SORCS1: variants seen among roughly 807,000 people sequenced by gnomAD.
SORCS1 encodes the protein sortilin related VPS10 domain containing receptor 1.
Under a neutral mutation model 146.1 loss-of-function variants are expected in SORCS1, and 60 were observed. That is an observed-to-expected ratio of 0.41 (90% CI 0.33 to 0.51). The LOEUF is 0.51. Ranked by LOEUF, SORCS1 falls within the 20% of genes least tolerant of loss-of-function variation. SORCS1 has a pLI of 0.21. For missense variants in SORCS1, 1,352 were observed against 1,487.6 expected (o/e 0.91, Z 1.50); for synonymous variants, 637 against 584.0 (o/e 1.09, Z -1.31).
intron 18 of SORCS1, among the ~76,000 whole-genome samples, chr10:106,648,012 C>T (rs1589560875): frequency 6.6e-6 from 1 of 151,558 alleles, no homozygotes; most frequent in African/African-American, 2.4e-5. Flanking sequence ...GGACCACAGA[C>T]ACACGACACC....
At chr10:106,765,570 G>C (rs1453354559) in intron 4 of SORCS1, among the ~76,000 whole-genome samples, 1 of 152,092 alleles carries the variant, frequency 6.6e-6, no homozygotes, top group Non-Finnish European at 1.5e-5. Flanking sequence ...TGCCAGTTGG[G>C]TGGTAGGCAC....
chr10:106,895,119 T>G (rs1265656318), intron 2 of SORCS1, among the ~76,000 whole-genome samples: 1 of 152,162 alleles, frequency 6.6e-6, no homozygotes, highest in Non-Finnish European at 1.5e-5. Context: ...ACCTCACAGT[T>G]AGATGATTTC....
intron 5 of SORCS1, among the ~76,000 whole-genome samples, chr10:106,742,349 A>T (rs935088627): frequency 4.6e-5 from 7 of 152,060 alleles, no homozygotes; most frequent in Non-Finnish European, 8.8e-5. Flanking sequence ...TATGTTTTAT[A>T]ACACCTTGTA....
chr10:107,146,944 GAT>G (rs2134771314), intron 1 of SORCS1, among the ~76,000 whole-genome samples: 2 of 152,236 alleles, frequency 1.3e-5, no homozygotes, highest in South Asian at 4.1e-4. Flanking sequence ...TATTGTTGCA[GAT>G]ATGTGTTTCC....
At chr10:106,599,174 T>A (rs1846082738) in intron 23 of SORCS1, among the ~76,000 whole-genome samples, 1 of 152,068 alleles carries the variant, frequency 6.6e-6, no homozygotes, top group African/African-American at 2.4e-5. Context: ...GAGACCAGCA[T>A]GGCCAACATG....
intron 1 of SORCS1, among the ~76,000 whole-genome samples, chr10:107,063,236 T>C (rs979603155): frequency 3.3e-5 from 5 of 152,198 alleles, no homozygotes; most frequent in South Asian, 2.1e-4. Flanking sequence ...TAGTGGAATA[T>C]GGGAGTCTTT....
chr10:107,174,313 C>A, the SORCS1 span, among the ~76,000 whole-genome samples: 1 of 152,110 alleles, frequency 6.6e-6, no homozygotes, highest in Non-Finnish European at 1.5e-5. Context: ...TCACGCCGTT[C>A]TCCTGCCTCA....
intron 5 of SORCS1, among the ~76,000 whole-genome samples, chr10:106,732,567 T>C (rs1424598514): frequency 1.3e-5 from 2 of 152,188 alleles, no homozygotes; most frequent in African/African-American, 4.8e-5. Flanking sequence ...AGTTTCATCC[T>C]TGAAATGACT....
At chr10:106,689,675 C>T (rs1407219066) in intron 9 of SORCS1, among the ~76,000 whole-genome samples, 1 of 152,180 alleles carries the variant, frequency 6.6e-6, no homozygotes, top group Non-Finnish European at 1.5e-5. Context: ...CACTACAAAC[C>T]TGCACCTGCA....
chr10:107,163,846 C>T (rs1269887559), intron 1 of SORCS1, 123 bp downstream of exon 1: 12 of 1,116,770 alleles, frequency 1.1e-5, no homozygotes, highest in Non-Finnish European at 1.5e-5. Context: ...TGGGCAGAGA[C>T]CAGTTTGCAG....
At position 107,155,537 on chromosome 10, in the gene SORCS1, G is replaced by A. The variant is rs529655041; in HGVS notation, c.558+8432C>T. ...ATTTCAGCAAAATGCAAGTCAGGGCGAGCAGGGCTGCACATGATAAATTTC... is the reference window on the plus strand; with the variant it reads ...ATTTCAGCAAAATGCAAGTCAGGGCAAGCAGGGCTGCACATGATAAATTTC... On this transcript the variant is annotated intron_variant, in intron 1 of 25. Coordinates refer to ENST00000263054, the MANE Select transcript of SORCS1 (RefSeq NM_052918.5). 7.6e-4 allele frequency among the ~76,000 whole-genome samples: 116 copies of A among 152,294 alleles called. 1 individual carries two copies. The highest frequency in any genetic ancestry group is 4.1e-3 in the South Asian group (20 of 4,832).
chr10:106,728,854 A>T (rs1856391999), intron 6 of SORCS1, among the ~76,000 whole-genome samples: 1 of 152,194 alleles, frequency 6.6e-6, no homozygotes, highest in East Asian at 1.9e-4. Context: ...GGTAGCCTAC[A>T]ACAGCCTCAT....
intron 18 of SORCS1, among the ~76,000 whole-genome samples, chr10:106,632,535 A>G (rs1028778549): frequency 3.3e-5 from 5 of 152,036 alleles, no homozygotes; most frequent in African/African-American, 1.2e-4. Context: ...GAGTAGACAT[A>G]CTCACCCTAC....
chr10:107,070,667 G>T (rs553619794), intron 1 of SORCS1, among the ~76,000 whole-genome samples: 2 of 152,010 alleles, frequency 1.3e-5, no homozygotes, highest in Non-Finnish European at 2.9e-5. Flanking sequence ...CACAGAACAC[G>T]AGTAATACAG....
At chr10:106,864,796 T>G (rs913450279) in intron 2 of SORCS1, among the ~76,000 whole-genome samples, 1 of 152,212 alleles carries the variant, frequency 6.6e-6, no homozygotes, top group African/African-American at 2.4e-5. Flanking sequence ...GCCTTCGGGC[T>G]TTGGAAAGAC....
At chr10:106,968,759 T>C (rs1955629553) in intron 1 of SORCS1, among the ~76,000 whole-genome samples, 2 of 152,218 alleles carry the variant, frequency 1.3e-5, no homozygotes, top group African/African-American at 4.8e-5. Flanking sequence ...TAACTTTTTT[T>C]TTCATTATCT....
At chr10:106,922,089 T>C (rs759979153) in intron 2 of SORCS1, among the ~76,000 whole-genome samples, 5 of 152,230 alleles carry the variant, frequency 3.3e-5, no homozygotes, top group African/African-American at 4.8e-5. Context: ...GACAGTCTTA[T>C]TGAGCAGACA....
chr10:106,747,260 T>TA (rs1359550962), intron 5 of SORCS1, among the ~76,000 whole-genome samples: 1 of 152,154 alleles, frequency 6.6e-6, no homozygotes, highest in Non-Finnish European at 1.5e-5. Flanking sequence ...GAGTCAACAA[T>TA]AAAAAATAGT....
At chr10:106,874,831 A>C (rs1213270916) in intron 2 of SORCS1, among the ~76,000 whole-genome samples, 1 of 152,234 alleles carries the variant, frequency 6.6e-6, no homozygotes, top group East Asian at 1.9e-4. Context: ...ATTGGAGTAC[A>C]GGATAAGACA....
Sources: allele counts gnomAD v4.1 joint callset (sites outside exome capture counted in the v4.1 genomes callset), GRCh38; gene constraint gnomAD v4.1.1; transcripts MANE v1.5; gene names NCBI Gene and HGNC (gene_info 2026-07-23, HGNC 2026-07-21).